MFSD6: variants seen among roughly 807,000 people sequenced by gnomAD.
MFSD6 encodes the protein major facilitator superfamily domain-containing protein 6.
Under a neutral mutation model 56.3 loss-of-function variants are expected in MFSD6, and 26 were observed. The ratio of observed to expected loss-of-function variants is 0.46; its 90% confidence interval spans 0.34 to 0.64. The LOEUF (loss-of-function observed/expected upper bound fraction) is 0.64, where lower values mean the gene tolerates loss of function less well. Ranked by LOEUF, MFSD6 falls within the 30% of genes least tolerant of loss-of-function variation. MFSD6 has a pLI of 0.01. For missense variants in MFSD6, 750 were observed against 986.2 expected (o/e 0.76, Z 3.21); for synonymous variants, 331 against 366.9 (o/e 0.90, Z 1.12).
Position 190,418,273 on chromosome 2 carries a change from A to G in MFSD6, c.-54+2860A>G, listed in dbSNP as rs2124991533. On this transcript the variant is annotated intron_variant, in intron 2 of 7. Coordinates refer to ENST00000392328, the MANE Select transcript of MFSD6 (RefSeq NM_017694.4). This position sits in a 1 kb window ranked among gnomAD's most constrained non-coding sequence, Gnocchi z 4.1. ...TTGTGAGTATTAAATGAGTTAATACATGCTAGGTTCATAGCAAGTGTTACT... is the reference window on the plus strand; with the variant it reads ...TTGTGAGTATTAAATGAGTTAATACGTGCTAGGTTCATAGCAAGTGTTACT... Among the ~76,000 whole-genome samples the G allele has an allele frequency of 6.6e-6, 1 of 152,330 alleles. No individual in the cohort carries two copies. Among genetic ancestry groups the G allele is most frequent in the South Asian group, 2.1e-4 (1 of 4,830 alleles).
chr2:190,483,446 A>AG (rs1232968310), intron 4 of MFSD6, among the ~76,000 whole-genome samples: 1 of 152,218 alleles, frequency 6.6e-6, no homozygotes, highest in Admixed American at 6.5e-5. Context: ...TGGAAAATGA[A>AG]GAAAAAATAG....
rs1687768584 is a variant in MFSD6, at chr2:190,469,109, G to A, written c.1533-649G>A. 6.6e-6 allele frequency among the ~76,000 whole-genome samples: 1 copy of A among 152,130 alleles called. No homozygotes were observed. Among genetic ancestry groups the A allele is most frequent in the South Asian group, 2.1e-4 (1 of 4,824 alleles). On this transcript the variant is annotated intron_variant, in intron 3 of 7. Transcript: ENST00000392328. The surrounding 1 kb of genome is among the most constrained non-coding windows in gnomAD (Gnocchi z 5.3). Reference sequence around the variant, plus strand: ...GGGTGAGAGAATGCAAGAGGTTGGTGTATATTTATTAGTTTTGTAAACATA... The same window carrying A: ...GGGTGAGAGAATGCAAGAGGTTGGTATATATTTATTAGTTTTGTAAACATA...
At position 190,434,071 on chromosome 2, in the gene MFSD6, T is replaced by G. The variant is rs1267160456; in HGVS notation, c.-53-1906T>G. ...GGTGGCACACGTCTGTAGTCCTAGC[T>G]ACTTAGGAGACTGAGGTGGAAGGAT... On this transcript the variant is annotated intron_variant, in intron 2 of 7. Coordinates refer to ENST00000392328, the MANE Select transcript of MFSD6 (RefSeq NM_017694.4). This position sits in a 1 kb window ranked among gnomAD's most constrained non-coding sequence, Gnocchi z 4.3. Among the ~76,000 whole-genome samples, 2 of 151,324 alleles carry G rather than the reference T, an allele frequency of 1.3e-5. No homozygotes were observed. The highest frequency in any genetic ancestry group is 4.9e-5 in the African/African-American group (2 of 41,128).
At chr2:190,470,292 T>TTA (rs1687843289) in intron 4 of MFSD6, among the ~76,000 whole-genome samples, 1 of 152,244 alleles carries the variant, frequency 6.6e-6, no homozygotes, top group African/African-American at 2.4e-5. Context: ...ATCTGGTGAC[T>TTA]TATAACTAAA....
rs1274134760 is a variant in MFSD6, at chr2:190,415,595, A to G, written c.-54+182A>G. Among the ~76,000 whole-genome samples the G allele has an allele frequency of 1.3e-5, 2 of 152,202 alleles. No homozygotes were observed. Among genetic ancestry groups the G allele is most frequent in the Non-Finnish European group, 2.9e-5 (2 of 68,040 alleles). The stretch of plus-strand genomic sequence containing the variant: ...ACTTTTTTATTTTATGGGCTAAGTA[A>G]TAAACCTTTTTCTGAAACTAATTAT... On this transcript the variant is annotated intron_variant, in intron 2 of 7. Coordinates refer to ENST00000392328, the MANE Select transcript of MFSD6 (RefSeq NM_017694.4). The surrounding 1 kb of genome is among the most constrained non-coding windows in gnomAD (Gnocchi z 4.5).
intron 2 of MFSD6, among the ~76,000 whole-genome samples, chr2:190,421,697 A>G (rs549786898): frequency 1.3e-5 from 2 of 152,000 alleles, no homozygotes; most frequent in Admixed American, 1.3e-4. Context: ...CTGGGACTGT[A>G]AGCATGTACC....
rs1690882414 is a variant in MFSD6 at position 190,418,502 on chromosome 2, T to G, written c.-54+3089T>G. On this transcript the variant is annotated intron_variant, in intron 2 of 7. Transcript: ENST00000392328. The surrounding 1 kb of genome is among the most constrained non-coding windows in gnomAD (Gnocchi z 4.1). ...TGGGCACAGTGGCCCACACCTGTAA[T>G]TCCAGTACTTTAGGAGGCTGAGGCA... Among the ~76,000 whole-genome samples, 1 of 152,032 alleles carries G rather than the reference T, an allele frequency of 6.6e-6. No individual in the cohort carries two copies. Among genetic ancestry groups the G allele is most frequent in the Non-Finnish European group, 1.5e-5 (1 of 67,996 alleles).
At chr2:190,453,756 C>T (rs75645857) in intron 3 of MFSD6, among the ~76,000 whole-genome samples, 1 of 152,194 alleles carries the variant, frequency 6.6e-6, no homozygotes, top group Non-Finnish European at 1.5e-5. Flanking sequence ...ACTGGAGAAG[C>T]ACAGAACGGA....
chr2:190,426,749 G>A lies in MFSD6; in HGVS notation c.-53-9228G>A, dbSNP rs557980527. Among the ~76,000 whole-genome samples the A allele has an allele frequency of 1.2e-4, 19 of 152,216 alleles. No individual in the cohort carries two copies. Among genetic ancestry groups the A allele is most frequent in the African/African-American group, 4.3e-4 (18 of 41,524 alleles). ...TCCATTGATTGCCTTTCTCCATTCAGTTTGAGATCTTCCTGGTTCTTGGTG... is the reference window on the plus strand; with the variant it reads ...TCCATTGATTGCCTTTCTCCATTCAATTTGAGATCTTCCTGGTTCTTGGTG... On this transcript the variant is annotated intron_variant, in intron 2 of 7. Transcript: ENST00000392328. This position sits in a 1 kb window ranked among gnomAD's most constrained non-coding sequence, Gnocchi z 4.7.
In MFSD6 at chr2:190,498,963, G is replaced by C. The variant is rs993417764; in HGVS notation, c.2173-1052G>C. Among the ~76,000 whole-genome samples, 4 of 151,900 alleles carry C rather than the reference G, an allele frequency of 2.6e-5. No homozygotes were observed. Among genetic ancestry groups the C allele is most frequent in the African/African-American group, 9.7e-5 (4 of 41,446 alleles). On this transcript the variant is annotated intron_variant, in intron 7 of 7. Coordinates refer to ENST00000392328, the MANE Select transcript of MFSD6 (RefSeq NM_017694.4). This position sits in a 1 kb window ranked among gnomAD's most constrained non-coding sequence, Gnocchi z 5.9. ...AGGAGTTCAAGACCAGCCTGGCCAAGATGGTGAAACCCCGTCTCTACTAAA... is the reference window on the plus strand; with the variant it reads ...AGGAGTTCAAGACCAGCCTGGCCAACATGGTGAAACCCCGTCTCTACTAAA...
In MFSD6 at chr2:190,439,778, T is replaced by G. The variant is rs532931064; in HGVS notation, c.1532+2217T>G. On this transcript the variant is annotated intron_variant, in intron 3 of 7. Transcript: ENST00000392328. This position sits in a 1 kb window ranked among gnomAD's most constrained non-coding sequence, Gnocchi z 5.8. ...GGAATTCCATCAGTATGTGGTCATT[T>G]ACCTGTTTTGAATTTTCATTCTGTC... Among the ~76,000 whole-genome samples the G allele has an allele frequency of 1.9e-4, 29 of 152,260 alleles. No homozygotes were observed. The highest frequency in any genetic ancestry group is 3.7e-4 in the Non-Finnish European group (25 of 68,046).
chr2:190,472,565 C>T (rs1688012985), intron 4 of MFSD6, among the ~76,000 whole-genome samples: 1 of 152,136 alleles, frequency 6.6e-6, no homozygotes. Context: ...CGAACAAAGC[C>T]TCCAAGAAAT....
Position 190,434,829 on chromosome 2 carries a change from C to T in MFSD6, c.-53-1148C>T, listed in dbSNP as rs577910440. Among the ~76,000 whole-genome samples, 4 of 152,320 alleles carry T rather than the reference C, an allele frequency of 2.6e-5. No homozygotes were observed. The South Asian group carries it at 6.2e-4, about 24-fold the overall frequency. On this transcript the variant is annotated intron_variant, in intron 2 of 7. Transcript: ENST00000392328. This position sits in a 1 kb window ranked among gnomAD's most constrained non-coding sequence, Gnocchi z 4.3. ...AGAGCAGGGTTCCCCAACCCCTGGACCATGGACCGCTACCACTCTGTGGCC... is the reference window on the plus strand; with the variant it reads ...AGAGCAGGGTTCCCCAACCCCTGGATCATGGACCGCTACCACTCTGTGGCC...
At chr2:190,420,064 CT>C (rs1559102451) in intron 2 of MFSD6, among the ~76,000 whole-genome samples, 2 of 151,850 alleles carry the variant, frequency 1.3e-5, no homozygotes, top group South Asian at 2.1e-4. Context: ...TTTCAAGTTT[CT>C]TTTTTTAAAA....
Position 190,412,304 on chromosome 2 carries a change from T to C in MFSD6, c.-175-2988T>C, listed in dbSNP as rs1224252989. ...GTAGGTAATCTTGAGAAAGAGGGAA[T>C]TGTAAAAGTATTTTACAGAAGAGAT... On this transcript the variant is annotated intron_variant, in intron 1 of 7. Transcript: ENST00000392328. This position sits in a 1 kb window ranked among gnomAD's most constrained non-coding sequence, Gnocchi z 4.1. 2 of 982,978 alleles carry C rather than the reference T, an allele frequency of 2.0e-6. No individual in the cohort carries two copies. Among genetic ancestry groups the C allele is most frequent in the African/African-American group, 1.7e-5 (1 of 57,178 alleles). 60.9% of individuals were successfully genotyped at this position (982,978 alleles called of 1,614,324 possible).
rs906942797 is a variant in MFSD6 at position 190,423,919 on chromosome 2, T to G, written c.-54+8506T>G. ...TTGAACATCTTTTCATTTGTATCTA[T>G]GCATTTATATATCCTGTCTATCCTC... On this transcript the variant is annotated intron_variant, in intron 2 of 7. Coordinates refer to ENST00000392328, the MANE Select transcript of MFSD6 (RefSeq NM_017694.4). The surrounding 1 kb of genome is among the most constrained non-coding windows in gnomAD (Gnocchi z 4.3). 1.3e-5 allele frequency among the ~76,000 whole-genome samples: 2 copies of G among 152,252 alleles called. No individual in the cohort carries two copies. The highest frequency in any genetic ancestry group is 3.8e-4 in the East Asian group (2 of 5,202).
intron 4 of MFSD6, chr2:190,477,402 A>G: frequency 1.1e-6 from 1 of 952,206 alleles, no homozygotes; most frequent in East Asian, 1.2e-4. Context: ...AAAAGAAATG[A>G]CTATATATTA....
At chr2:190,475,342 A>T (rs1228601693) in intron 4 of MFSD6, among the ~76,000 whole-genome samples, 1 of 152,218 alleles carries the variant, frequency 6.6e-6, no homozygotes, top group Non-Finnish European at 1.5e-5. Context: ...AAATCTCCTT[A>T]AGCTGATAGG....
rs1259122229 is a variant in MFSD6 at position 190,485,596 on chromosome 2, G to A, written c.1631-3061G>A. Among the ~76,000 whole-genome samples, 2 of 151,964 alleles carry A rather than the reference G, an allele frequency of 1.3e-5. No individual in the cohort carries two copies. The highest frequency in any genetic ancestry group is 4.8e-5 in the African/African-American group (2 of 41,382). On this transcript the variant is annotated intron_variant, in intron 4 of 7. Transcript: ENST00000392328. This position sits in a 1 kb window ranked among gnomAD's most constrained non-coding sequence, Gnocchi z 5.1. The stretch of plus-strand genomic sequence containing the variant: ...GGACTTAGCATCATCTTTAATAATA[G>A]AAATGAAAATACTTACAATTATTCC...
Sources: gnomAD v4.1 joint callset for allele counts (sites outside exome capture counted in the v4.1 genomes callset) on GRCh38, gnomAD v4.1.1 for gene constraint, Gnocchi (gnomAD v3.1) non-coding constraint, MANE v1.5 for transcripts, NCBI Gene and HGNC (gene_info 2026-07-23, HGNC 2026-07-21) for gene names.